Variants in TBC1D4 observed in about 807,000 individuals in gnomAD.
TBC1D4 encodes the protein TBC1 domain family member 4, also known as TBC (Tre-2, BUB2, CDC16) domain-containing protein.
TBC1D4 carries 121 observed loss-of-function variants against 142.5 expected under a neutral mutation model. The observed-to-expected ratio is 0.85, with a 90% CI of 0.73 to 0.99. The LOEUF is 0.99. Among genes scored for constraint, TBC1D4 ranks in the 50% least tolerant of loss-of-function variants. TBC1D4 has a pLI of 0.00. For synonymous variants in TBC1D4, 630 were observed against 628.2 expected, an observed-to-expected ratio of 1.00 and a Z score of -0.04; for missense variants, 1,475 against 1,606.6, an observed-to-expected ratio of 0.92 and a Z score of 1.40.
At chr13:75,461,932 C>A (rs1887987072) in intron 1 of TBC1D4, among the ~76,000 whole-genome samples, 1 of 152,200 alleles carries the variant, frequency 6.6e-6, no homozygotes, top group African/African-American at 2.4e-5. Flanking sequence ...TAGGCTACTA[C>A]CAGTGTTTAT....
At chr13:75,396,137 T>C (rs1208547183) in intron 1 of TBC1D4, among the ~76,000 whole-genome samples, 1 of 152,172 alleles carries the variant, frequency 6.6e-6, no homozygotes, top group East Asian at 1.9e-4. Flanking sequence ...GTTTCCTTCA[T>C]TAAAACCCAC....
At chr13:75,458,380 CCT>C (rs1401883071) in intron 1 of TBC1D4, among the ~76,000 whole-genome samples, 2 of 152,340 alleles carry the variant, frequency 1.3e-5, no homozygotes, top group Admixed American at 1.3e-4. Flanking sequence ...CTCTTCTGCT[CCT>C]CTTTTTCTCT....
At chr13:75,432,785 C>A (rs532362468) in intron 1 of TBC1D4, among the ~76,000 whole-genome samples, 2 of 152,108 alleles carry the variant, frequency 1.3e-5, no homozygotes, top group African/African-American at 2.4e-5. Context: ...TCGAAGATTT[C>A]TCAGGCTGTA....
At chr13:75,468,401 C>T (rs1888256617) in intron 1 of TBC1D4, among the ~76,000 whole-genome samples, 1 of 152,158 alleles carries the variant, frequency 6.6e-6, no homozygotes, top group Non-Finnish European at 1.5e-5. Flanking sequence ...CCAATTATTG[C>T]ATGGATATAT....
intron 1 of TBC1D4, among the ~76,000 whole-genome samples, chr13:75,367,758 G>T (rs961415940): frequency 4.6e-4 from 3 of 6,584 alleles, no homozygotes; most frequent in Non-Finnish European, 8.5e-4. Context: ...CAGGCAACAC[G>T]GGGATGATGT....
chr13:75,366,950 C>T (rs1882948190), intron 1 of TBC1D4: 31 of 985,202 alleles, frequency 3.1e-5, no homozygotes, highest in Non-Finnish European at 3.6e-5. Context: ...TGGAGGTGGT[C>T]ACGAAGAGCA....
intron 8 of TBC1D4, among the ~76,000 whole-genome samples, chr13:75,331,331 A>C (rs979662794): frequency 2.0e-5 from 3 of 150,564 alleles, no homozygotes; most frequent in Middle Eastern, 3.2e-3. Context: ...CTGTCTGTAC[A>C]AAAAAAAATA....
At position 75,336,394 on chromosome 13, in the gene TBC1D4, T is replaced by C. The variant is rs148989954; in HGVS notation, c.1731+527A>G. ...CATGGTGACAGAGCAAGACTTCGTC[T>C]CAAGGAAAAAAAAAAAAGATCATTT... On this transcript the variant is annotated intron_variant, in intron 8 of 20. Transcript: ENST00000377636. Among the ~76,000 whole-genome samples the C allele has an allele frequency of 4.7e-3, 663 of 139,604 alleles. 6 individuals carry two copies. Among genetic ancestry groups the C allele is most frequent in the African/African-American group, 0.017 (637 of 36,912 alleles). The allele number at this position is 139,604 out of a possible 152,430, so 91.6% of individuals were successfully genotyped here.
intron 17 of TBC1D4, among the ~76,000 whole-genome samples, chr13:75,296,630 T>A (rs2195784): frequency 6.6e-6 from 1 of 151,750 alleles, no homozygotes; most frequent in Non-Finnish European, 1.5e-5. Flanking sequence ...TTCCACCTTA[T>A]AGATACCAAG....
chr13:75,413,869 A>G (rs1885795544), intron 1 of TBC1D4, among the ~76,000 whole-genome samples: 2 of 152,166 alleles, frequency 1.3e-5, no homozygotes, highest in Non-Finnish European at 2.9e-5. Context: ...AGGATCTCAA[A>G]TAACTAAAAC....
chr13:75,395,103 C>A (rs1884717610), intron 1 of TBC1D4, among the ~76,000 whole-genome samples: 1 of 152,112 alleles, frequency 6.6e-6, no homozygotes. Context: ...AATATATGTT[C>A]TAAAAAGAAT....
At chr13:75,292,526 T>C (rs1394245829) in intron 18 of TBC1D4, among the ~76,000 whole-genome samples, 1 of 152,096 alleles carries the variant, frequency 6.6e-6, no homozygotes, top group East Asian at 1.9e-4. Flanking sequence ...CATGAACTAC[T>C]TGTAATTTTT....
Position 75,302,336 on chromosome 13 carries a change from T to C in TBC1D4, c.2818A>G (p.Arg940Gly). The C allele has an allele frequency of 6.2e-7, 1 of 1,614,238 alleles. No homozygotes were observed. Among genetic ancestry groups the C allele is most frequent in the Non-Finnish European group, 8.5e-7 (1 of 1,180,044 alleles). ...FLALQYRLRH[R>G]LPNKQQPPDI... ...GGAGGCTGTTGTTTATTAGGCAATCTGTGTCTGAGTCGGTACTGTAAAGCC... is the reference window on the plus strand; with the variant it reads ...GGAGGCTGTTGTTTATTAGGCAATCCGTGTCTGAGTCGGTACTGTAAAGCC... Residue 940 changes from arginine to glycine, a missense_variant, in exon 16 of 21, where the codon AGA (arginine) becomes GGA (glycine). Transcript: ENST00000377636.
At chr13:75,402,320 GT>G (rs1302952893) in intron 1 of TBC1D4, among the ~76,000 whole-genome samples, 1 of 152,094 alleles carries the variant, frequency 6.6e-6, no homozygotes, top group African/African-American at 2.4e-5. Flanking sequence ...ACTTAAAAGG[GT>G]TTTGTCCCCC....
At position 75,344,301 on chromosome 13, in the gene TBC1D4, G is replaced by T. The variant is rs1019485424; in HGVS notation, c.1409-2714C>A. On this transcript the variant is annotated intron_variant, in intron 5 of 20. Transcript: ENST00000377636. ...AGATAAAAGATTGAAAAGAGGAAAA[G>T]AAAAATAAAGAAGGTAGTTATTTGA... is the stretch of plus-strand genomic sequence containing the variant. 2.6e-5 allele frequency among the ~76,000 whole-genome samples: 4 copies of T among 152,272 alleles called. No individual in the cohort carries two copies. The South Asian group carries it at 8.3e-4, about 32-fold the overall frequency.
At chr13:75,360,258 G>A (rs1566423678) in intron 2 of TBC1D4, among the ~76,000 whole-genome samples, 1 of 152,040 alleles carries the variant, frequency 6.6e-6, no homozygotes, top group Non-Finnish European at 1.5e-5. Context: ...TTGGGCTAAT[G>A]AATTAAAATC....
In TBC1D4 at chr13:75,294,857, A is replaced by C; in HGVS notation, c.3313T>G (p.Phe1105Val). 6.2e-7 allele frequency: 1 copy of C among 1,613,834 alleles called. No individual in the cohort carries two copies. The change falls in exon 18 of 21, where the codon TTT becomes GTT. Residue 1105 changes from phenylalanine (F) to valine (V), a missense_variant. Physicochemically the swap from Phe to Val is conservative, Grantham distance 50 (BLOSUM62 -1). Around this residue, in one of 2 missense-constraint regions of TBC1D4, gnomAD observed 248 missense variants for 338.9 expected, o/e 0.73. Coordinates refer to ENST00000377636, the MANE Select transcript of TBC1D4 (RefSeq NM_014832.5). ...QFSLGFVARV[F>V]DIIFLQGTEV... ...TTTAATTACAGGTATCTCTTACCAAAAACTCTGGCTACAAATCCTAATGAA... is the reference window on the plus strand; with the variant it reads ...TTTAATTACAGGTATCTCTTACCAACAACTCTGGCTACAAATCCTAATGAA...
intron 1 of TBC1D4, among the ~76,000 whole-genome samples, chr13:75,435,559 T>C (rs1886766423): frequency 6.6e-6 from 1 of 152,152 alleles, no homozygotes; most frequent in Non-Finnish European, 1.5e-5. Flanking sequence ...ACGTTGTTTC[T>C]AGAGGTAGTA....
chr13:75,443,982 A>C (rs1185380493), intron 1 of TBC1D4, among the ~76,000 whole-genome samples: 1 of 152,212 alleles, frequency 6.6e-6, no homozygotes, highest in Non-Finnish European at 1.5e-5. Context: ...CATCTGAAAA[A>C]AAAAAAAGCT....
Sources: gnomAD v4.1 joint callset for allele counts (sites outside exome capture counted in the v4.1 genomes callset) on GRCh38, gnomAD v4.1.1 for gene constraint, gnomAD v4.1.1 regional missense constraint, MANE v1.5 for transcripts, NCBI Gene and HGNC (gene_info 2026-07-23, HGNC 2026-07-21) for gene names.